ZFHX3: variants seen among roughly 807,000 people sequenced by gnomAD.
ZFHX3 encodes zinc finger homeobox protein 3.
Under a neutral mutation model 279.1 loss-of-function variants are expected in ZFHX3, and 42 were observed. That is an observed-to-expected ratio of 0.15 (90% CI 0.12 to 0.19). The LOEUF is 0.19. Ranked by LOEUF, ZFHX3 falls within the 10% of genes least tolerant of loss-of-function variation. The probability of loss-of-function intolerance (pLI) is 1.00; values close to 1 mark genes in which losing one functional copy is unlikely to be tolerated. For missense variants in ZFHX3, 4,981 were observed against 4,754.0 expected, an observed-to-expected ratio of 1.05 and a Z score of -1.40; for synonymous variants, 2,293 against 1,957.8, an observed-to-expected ratio of 1.17 and a Z score of -4.52.
chr16:73,789,866 GAGA>G (rs777815865), intron 1 of ZFHX3, among the ~76,000 whole-genome samples: 97 of 152,290 alleles, frequency 6.4e-4, no homozygotes, highest in Non-Finnish European at 9.4e-4. Flanking sequence ...CCTGGAAGCA[GAGA>G]AGAAGATGAA....
chr16:73,155,194 AC>A (rs1418048357), intron 5 of ZFHX3, among the ~76,000 whole-genome samples: 1 of 151,088 alleles, frequency 6.6e-6, no homozygotes, highest in African/African-American at 2.4e-5. Context: ...AAAAAAAAAA[AC>A]AAAAAAAAGG....
intron 1 of ZFHX3, among the ~76,000 whole-genome samples, chr16:73,793,690 A>AT (rs962137956): frequency 3.8e-4 from 58 of 151,276 alleles, no homozygotes; most frequent in Admixed American, 1.4e-3. Flanking sequence ...TACAGCATCT[A>AT]TTTTTTTTTC....
chr16:73,592,005 G>A (rs1434273416), intron 2 of ZFHX3, among the ~76,000 whole-genome samples: 1 of 152,084 alleles, frequency 6.6e-6, no homozygotes, highest in Non-Finnish European at 1.5e-5. Flanking sequence ...GCTGAGGTGG[G>A]GAGATCACCT....
At chr16:73,167,654 G>GA (rs1031785812) in intron 5 of ZFHX3, among the ~76,000 whole-genome samples, 1 of 152,126 alleles carries the variant, frequency 6.6e-6, no homozygotes. Context: ...GCTTTGTGGA[G>GA]AAAAAAACAA....
At chr16:72,963,157 C>T (rs1435182166) in intron 1 of ZFHX3, among the ~76,000 whole-genome samples, 1 of 152,182 alleles carries the variant, frequency 6.6e-6, no homozygotes, top group African/African-American at 2.4e-5. Context: ...CGCACTTTTC[C>T]AAGCAGCCCT....
chr16:73,018,272 G>A lies in ZFHX3; in HGVS notation c.-50+29480C>T, dbSNP rs1460929357. On this transcript the variant is annotated intron_variant, in intron 1 of 9. Coordinates refer to ENST00000268489, the MANE Select transcript of ZFHX3 (RefSeq NM_006885.4). ...CTCCCAAAGTGCTGGGATGACAGGCGTGAGCATACACGCCTGGCCATGGTT... is the reference window on the plus strand; with the variant it reads ...CTCCCAAAGTGCTGGGATGACAGGCATGAGCATACACGCCTGGCCATGGTT... Among the ~76,000 whole-genome samples the A allele has an allele frequency of 1.2e-4, 18 of 151,724 alleles. No individual in the cohort carries two copies. In the East Asian group the frequency reaches 3.2e-3, roughly 27 times the overall value.
chr16:73,418,283 G>C (rs1335938619), intron 3 of ZFHX3, among the ~76,000 whole-genome samples: 1 of 152,234 alleles, frequency 6.6e-6, no homozygotes. Context: ...GTTGCAGCTG[G>C]TAGACGGTGG....
intron 2 of ZFHX3, among the ~76,000 whole-genome samples, chr16:73,615,381 C>G (rs531718506): frequency 2.1e-4 from 32 of 152,176 alleles, no homozygotes; most frequent in Non-Finnish European, 3.7e-4. Context: ...GTGGCAGAAT[C>G]CTGTCAAAAA....
At chr16:73,030,390 G>A (rs1964653733) in intron 1 of ZFHX3, among the ~76,000 whole-genome samples, 1 of 152,228 alleles carries the variant, frequency 6.6e-6, no homozygotes, top group South Asian at 2.1e-4. Context: ...CAGTTCCATG[G>A]AAGGAGAGCA....
chr16:73,814,109 G>A (rs746173393), intron 1 of ZFHX3, among the ~76,000 whole-genome samples: 1 of 152,190 alleles, frequency 6.6e-6, no homozygotes, highest in Non-Finnish European at 1.5e-5. Context: ...ATTGCAGAGA[G>A]AGCAGTGTGA....
intron 3 of ZFHX3, among the ~76,000 whole-genome samples, chr16:72,913,396 G>A (rs554833882): frequency 2.6e-5 from 4 of 152,304 alleles, no homozygotes; most frequent in East Asian, 1.9e-4. Flanking sequence ...TTCTGACAGG[G>A]GCAGGTCAGT....
intron 7 of ZFHX3, among the ~76,000 whole-genome samples, chr16:72,800,779 C>G (rs1303978406): frequency 1.3e-5 from 2 of 152,200 alleles, no homozygotes; most frequent in Admixed American, 1.3e-4. Flanking sequence ...CTTCTGGAGT[C>G]TCTGCCCAAG....
At chr16:72,913,169 T>C (rs1303762444) in intron 3 of ZFHX3, among the ~76,000 whole-genome samples, 1 of 152,220 alleles carries the variant, frequency 6.6e-6, no homozygotes, top group East Asian at 1.9e-4. Context: ...AATGTCAACA[T>C]CTTCCATCTT....
intron 4 of ZFHX3, among the ~76,000 whole-genome samples, chr16:72,845,076 G>A (rs892817540): frequency 2.6e-5 from 4 of 152,122 alleles, no homozygotes; most frequent in Admixed American, 1.3e-4. Context: ...CTGCTCCTCC[G>A]TGTGGCGGAA....
chr16:73,888,260 G>T (rs928304597), intron 1 of ZFHX3, among the ~76,000 whole-genome samples: 15 of 152,114 alleles, frequency 9.9e-5, no homozygotes, highest in African/African-American at 3.6e-4. Context: ...CAGCGGTAAC[G>T]GCATAAATTG....
At chr16:73,371,001 T>G (rs977514974) in intron 3 of ZFHX3, among the ~76,000 whole-genome samples, 1 of 152,094 alleles carries the variant, frequency 6.6e-6, no homozygotes, top group Non-Finnish European at 1.5e-5. Flanking sequence ...TGGAATCCTT[T>G]TGGGAAGCCA....
intron 1 of ZFHX3, among the ~76,000 whole-genome samples, chr16:73,703,543 A>G (rs1597073792): frequency 6.6e-6 from 1 of 152,262 alleles, no homozygotes; most frequent in East Asian, 1.9e-4. Context: ...ATGAAGGTCT[A>G]TAATTTCCTA....
At chr16:73,189,280 C>T (rs78258473) in intron 5 of ZFHX3, among the ~76,000 whole-genome samples, 3,604 of 152,332 alleles carry the variant, frequency 0.024, 57 homozygotes, top group Middle Eastern at 0.031. Flanking sequence ...ATTCCAAACC[C>T]TTTCCGGGCA....
At chr16:73,888,857 A>C (rs933058369) in intron 1 of ZFHX3, among the ~76,000 whole-genome samples, 1 of 151,952 alleles carries the variant, frequency 6.6e-6, no homozygotes, top group African/African-American at 2.4e-5. Context: ...GCTAAAAAAA[A>C]ACCGGGAAGG....
Sources: gnomAD v4.1 joint callset for allele counts (sites outside exome capture counted in the v4.1 genomes callset) on GRCh38, gnomAD v4.1.1 for gene constraint, MANE v1.5 for transcripts, NCBI Gene and HGNC (gene_info 2026-07-23, HGNC 2026-07-21) for gene names.